BOD1L1: variants seen among roughly 807,000 people sequenced by gnomAD.
The protein encoded by BOD1L1 is biorientation of chromosomes in cell division 1 like 1.
Under a neutral mutation model 240.7 loss-of-function variants are expected in BOD1L1, and 86 were observed. The ratio of observed to expected loss-of-function variants is 0.36; its 90% CI spans 0.30 to 0.43. BOD1L1 has a LOEUF of 0.43. BOD1L1 is among the 20% of genes least tolerant of loss of function. The pLI, the probability that BOD1L1 is intolerant of heterozygous loss-of-function variation, is 1.00. For synonymous variants in BOD1L1, 1,268 were observed against 1,272.3 expected (o/e 1.00, Z 0.07); for missense variants, 3,554 against 3,643.5 (o/e 0.98, Z 0.63).
rs1192221745 is a variant in BOD1L1 at position 13,595,902 on chromosome 4, C to T, written c.8062G>A (p.Ala2688Thr). 1 of 1,613,696 alleles carries T rather than the reference C, an allele frequency of 6.2e-7. No homozygotes were observed. Among genetic ancestry groups the T allele is most frequent in the Non-Finnish European group, 8.5e-7 (1 of 1,179,842 alleles). The change falls in exon 12 of 26, where the codon GCA (alanine) becomes ACA (threonine). Residue 2688 changes from alanine (A) to threonine (T), a missense_variant. Ala to Thr is a moderately conservative substitution (Grantham distance 58, BLOSUM62 0). This residue lies in a region of BOD1L1 where 3,393 missense variants were observed against 3,427.1 expected (regional missense o/e 0.99). Coordinates refer to ENST00000040738, the MANE Select transcript of BOD1L1 (RefSeq NM_148894.3). ...CCCCCACACAGACTTTCTGGTGGTG[C>T]CAGAATTTCACCATTTTTCTCTTCC... is the stretch of plus-strand genomic sequence containing the variant. ...SEEEKNGEIL[A>T]PPESLCGGKP...
At chr4:13,623,488 A>G (rs185761730) in intron 1 of BOD1L1, 1 of 152,348 alleles carries the variant, frequency 6.6e-6, no homozygotes, top group East Asian at 1.9e-4. Flanking sequence ...TGTAACCACT[A>G]AGCTTGCTCC....
At chr4:13,579,171 T>C (rs775235206) in intron 22 of BOD1L1, among the ~76,000 whole-genome samples, 2 of 152,216 alleles carry the variant, frequency 1.3e-5, no homozygotes, top group Non-Finnish European at 2.9e-5. Context: ...GGTCATCATT[T>C]TACCCACATT....
intron 1 of BOD1L1, among the ~76,000 whole-genome samples, chr4:13,622,489 C>G (rs1717108221): frequency 6.6e-6 from 1 of 152,194 alleles, no homozygotes; most frequent in Non-Finnish European, 1.5e-5. Context: ...ACCCTTTCTT[C>G]CTTTTCCAGT....
In BOD1L1 at chr4:13,602,252, C is replaced by T. The variant is rs1178816102; in HGVS notation, c.4648G>A (p.Val1550Met). Residue 1550 changes from valine to methionine, a missense_variant, in exon 10 of 26, where the codon GTG becomes ATG. Coordinates refer to ENST00000040738, the MANE Select transcript of BOD1L1 (RefSeq NM_148894.3). The stretch of plus-strand genomic sequence containing the variant: ...TCAATGCTGGTGCAAGGCAAAGCCA[C>T]CTCACTTTGTCTTGTTTCTGAAGAA... Reference protein sequence around the residue: ...TTSSETRQSEVALPCTSIEAD... With the variant: ...TTSSETRQSEMALPCTSIEAD... The T allele has an allele frequency of 6.2e-7, 1 of 1,613,950 alleles. No individual in the cohort carries two copies. Among genetic ancestry groups the T allele is most frequent in the East Asian group, 2.2e-5 (1 of 44,876 alleles).
intron 15 of BOD1L1, among the ~76,000 whole-genome samples, 191 bp from the exon 16 acceptor site, chr4:13,587,962 G>T (rs1713843605): frequency 6.6e-6 from 1 of 152,136 alleles, no homozygotes; most frequent in Non-Finnish European, 1.5e-5. Context: ...CAGGTGGGCG[G>T]ATCACGAGGT....
At chr4:13,614,175 T>A (rs1480186782) in intron 4 of BOD1L1, 21 bp downstream of exon 4, 22 of 1,466,528 alleles carry the variant, frequency 1.5e-5, no homozygotes, top group Non-Finnish European at 1.9e-5. Context: ...ACTTTGTAGA[T>A]GTTTGCAAGT....
chr4:13,591,176 A>C (rs1299113337), intron 13 of BOD1L1, among the ~76,000 whole-genome samples: 2 of 152,082 alleles, frequency 1.3e-5, no homozygotes, highest in Non-Finnish European at 2.9e-5. Flanking sequence ...AGTAGCTGGG[A>C]CTATAGGCCA....
chr4:13,590,408 A>C lies in BOD1L1; in HGVS notation c.8187T>G (p.His2729Gln). 1 of 1,515,208 alleles carries C rather than the reference A, an allele frequency of 6.6e-7. No homozygotes were observed. Among genetic ancestry groups the C allele is most frequent in the Non-Finnish European group, 9.0e-7 (1 of 1,105,080 alleles). 93.9% of individuals were successfully genotyped at this position (1,515,208 alleles called of 1,614,324 possible). A position where few individuals can be genotyped will look rare whatever the true frequency, so the allele number is the denominator to read the frequency against. ...TACCTCCTTTGTTATAAGATTCGCTATGAATTTCTTCATTTGTTCTGAAGC... is the reference window on the plus strand; with the variant it reads ...TACCTCCTTTGTTATAAGATTCGCTCTGAATTTCTTCATTTGTTCTGAAGC... The part of the protein sequence containing the change: ...NSGFRTNEEI[H>Q]SESYNKGEIS... The change falls in exon 14 of 26, where the codon CAT (histidine) becomes CAG (glutamine). Residue 2729 changes from histidine (H) to glutamine (Q), a missense_variant. By Grantham distance (24) the His-to-Gln change is conservative. This residue lies in a region of BOD1L1 where 3,393 missense variants were observed against 3,427.1 expected (regional missense o/e 0.99). Transcript: ENST00000040738.
At chr4:13,609,146 A>C in intron 7 of BOD1L1, 149 bp downstream of exon 7, 1 of 484,892 alleles carries the variant, frequency 2.1e-6, no homozygotes, top group Non-Finnish European at 3.3e-6. Flanking sequence ...AAAATGATGA[A>C]ACACATGAGA....
intron 14 of BOD1L1, among the ~76,000 whole-genome samples, chr4:13,590,165 A>G (rs1342699040): frequency 6.6e-6 from 1 of 152,256 alleles, no homozygotes; most frequent in Non-Finnish European, 1.5e-5. Context: ...TTAAAGCAAG[A>G]CATCACTTTT....
rs1303638793 is a variant in BOD1L1, at chr4:13,581,198, G to A, written c.8602C>T (p.Pro2868Ser). ...DTIKSQEEDQ[P>S]IIIKRKRGRP... ...CCTCTTTTCCTTTTAATAATTATTG[G>A]CTGATCTTCCTAAGGGGGAAATAAA... The change falls in exon 20 of 26, where the codon CCA (proline) becomes TCA (serine). Residue 2868 changes from proline (P) to serine (S), a missense_variant. Transcript: ENST00000040738. 3 of 1,564,506 alleles carry A rather than the reference G, an allele frequency of 1.9e-6. No individual in the cohort carries two copies. The highest frequency in any genetic ancestry group is 1.9e-5 in the Admixed American group (1 of 53,128).
In BOD1L1 at chr4:13,590,361, A is replaced by G. The variant is rs1289255859; in HGVS notation, c.8209+25T>C. On this transcript the variant is annotated intron_variant, in intron 14 of 25. Transcript: ENST00000040738. Reference sequence around the variant, plus strand: ...AAATGTTAACTATAATATTAAAACTATAACTATGAAATTCATTAACTTACC... The same window carrying G: ...AAATGTTAACTATAATATTAAAACTGTAACTATGAAATTCATTAACTTACC... 5 of 1,285,084 alleles carry G rather than the reference A, an allele frequency of 3.9e-6. No homozygotes were observed. In the Admixed American group the frequency reaches 8.6e-5, roughly 22 times the overall value. The allele number at this position is 1,285,084 out of a possible 1,614,324, so 79.6% of individuals were successfully genotyped here.
chr4:13,613,465 A>G lies in BOD1L1; in HGVS notation c.1324+47T>C, dbSNP rs769483407. The G allele has an allele frequency of 1.3e-6, 2 of 1,547,778 alleles. No homozygotes were observed. Among genetic ancestry groups the G allele is most frequent in the Non-Finnish European group, 1.8e-6 (2 of 1,131,574 alleles). On this transcript the variant is annotated intron_variant, in intron 5 of 25. Coordinates refer to ENST00000040738, the MANE Select transcript of BOD1L1 (RefSeq NM_148894.3). The surrounding 1 kb of genome is among the most constrained non-coding windows in gnomAD (Gnocchi z 4.0). ...ATATAGCCATCAGAATATACAAATA[A>G]TGCTTGACAGGATGCTTCAGAGGCA...
intron 25 of BOD1L1, among the ~76,000 whole-genome samples, chr4:13,575,964 G>A (rs1301758265): frequency 7.1e-6 from 1 of 140,468 alleles, no homozygotes; most frequent in Non-Finnish European, 1.5e-5. Context: ...GTGCAGTGGA[G>A]CCATCTCAGC....
intron 17 of BOD1L1, 131 bp from the exon 18 acceptor site, chr4:13,582,867 ATG>A: frequency 1.6e-6 from 1 of 623,838 alleles, no homozygotes; most frequent in Admixed American, 3.1e-5. Context: ...TTTTTGGAAA[ATG>A]TTTTTGAAGT....
chr4:13,611,405 G>A (rs150754294), intron 5 of BOD1L1, among the ~76,000 whole-genome samples: 2 of 152,316 alleles, frequency 1.3e-5, no homozygotes, highest in South Asian at 2.1e-4. Flanking sequence ...TGACTCAGGC[G>A]TTGGAACCAG....
chr4:13,570,244 C>A (rs995957100), intron 25 of BOD1L1, 116 bp from the exon 26 acceptor site: 3 of 674,516 alleles, frequency 4.4e-6, no homozygotes, highest in Admixed American at 4.1e-5. Flanking sequence ...AGAGAAAAAC[C>A]CAGTAACATT....
chr4:13,582,212 A>G, intron 19 of BOD1L1, 25 bp downstream of exon 19: 1 of 1,587,616 alleles, frequency 6.3e-7, no homozygotes, highest in Non-Finnish European at 8.6e-7. Context: ...ATTGTGAACA[A>G]ACAAATACGA....
intron 4 of BOD1L1, 136 bp downstream of exon 4, chr4:13,614,060 T>C: frequency 1.3e-6 from 1 of 752,146 alleles, no homozygotes; most frequent in Non-Finnish European, 2.0e-6. Flanking sequence ...ATTGCTTTTT[T>C]TCTTAAGCAA....
Sources: gnomAD v4.1 joint callset for allele counts (sites outside exome capture counted in the v4.1 genomes callset) on GRCh38, gnomAD v4.1.1 for gene constraint, gnomAD v4.1.1 regional missense constraint, Gnocchi (gnomAD v3.1) non-coding constraint, MANE v1.5 for transcripts, NCBI Gene and HGNC (gene_info 2026-07-23, HGNC 2026-07-21) for gene names.